The following HEMK2 variants were observed in gnomAD, a reference collection of about 807,000 sequenced individuals.
HEMK2 encodes the protein methyltransferase HEMK2.
chr21:28,855,098 G>T, the HEMK2 span, among the ~76,000 whole-genome samples: 1 of 152,092 alleles, frequency 6.6e-6, no homozygotes, highest in Non-Finnish European at 1.5e-5. Context: ...AGACCCAACT[G>T]TATGCTGTCT....
chr21:28,830,704 T>C, the HEMK2 span, among the ~76,000 whole-genome samples: 1 of 152,014 alleles, frequency 6.6e-6, no homozygotes, highest in Admixed American at 6.6e-5. Flanking sequence ...GGTGAAACAC[T>C]GTCTCTACTA....
the HEMK2 span, among the ~76,000 whole-genome samples, chr21:28,822,828 C>G: frequency 6.6e-6 from 1 of 152,010 alleles, no homozygotes; most frequent in Non-Finnish European, 1.5e-5. Flanking sequence ...TGAAATGTAG[C>G]ATTCCACCTG....
chr21:28,852,278 T>C, the HEMK2 span, among the ~76,000 whole-genome samples: 11 of 152,194 alleles, frequency 7.2e-5, no homozygotes, highest in African/African-American at 2.7e-4. Flanking sequence ...AGCCAATGTG[T>C]GGGTTCTGCC....
chr21:28,824,173 A>G, the HEMK2 span, among the ~76,000 whole-genome samples: 1 of 152,214 alleles, frequency 6.6e-6, no homozygotes. Flanking sequence ...CCTCTGGGGT[A>G]AGGGGGAGCC....
the HEMK2 span, among the ~76,000 whole-genome samples, chr21:28,667,635 C>A: frequency 6.6e-6 from 1 of 151,968 alleles, no homozygotes; most frequent in Non-Finnish European, 1.5e-5. Flanking sequence ...AAAATATACA[C>A]CTACTATGCA....
the HEMK2 span, among the ~76,000 whole-genome samples, chr21:28,797,958 CCAAA>C: frequency 0.012 from 1,887 of 152,264 alleles, 69 homozygotes; most frequent in Admixed American, 0.066. Context: ...ACTGATCCCA[CCAAA>C]CATTCTTCCC....
chr21:28,619,775 G>C, the HEMK2 span, among the ~76,000 whole-genome samples: 2 of 152,082 alleles, frequency 1.3e-5, no homozygotes, highest in Non-Finnish European at 2.9e-5. Context: ...GAAGTGATAT[G>C]GTTTCAATTT....
At chr21:28,699,841 C>G in the HEMK2 span, among the ~76,000 whole-genome samples, 3 of 152,196 alleles carry the variant, frequency 2.0e-5, no homozygotes, top group Non-Finnish European at 4.4e-5. Context: ...GAAATGGGAA[C>G]TGCAAACGCT....
chr21:28,729,809 G>A, the HEMK2 span, among the ~76,000 whole-genome samples: 16 of 152,280 alleles, frequency 1.1e-4, no homozygotes, highest in East Asian at 3.9e-4. Context: ...GAGTTTTCAC[G>A]TTGAGGTTTT....
At chr21:28,642,057 G>A in the HEMK2 span, among the ~76,000 whole-genome samples, 4 of 152,186 alleles carry the variant, frequency 2.6e-5, no homozygotes, top group South Asian at 2.1e-4. Context: ...AAGCCATCAC[G>A]TTGGGGCTCA....
the HEMK2 span, among the ~76,000 whole-genome samples, chr21:28,632,373 T>C: frequency 1.3e-5 from 2 of 152,230 alleles, no homozygotes; most frequent in Admixed American, 6.5e-5. Context: ...ATGAGATCTC[T>C]ACTATGTCAC....
chr21:28,813,957 G>A, the HEMK2 span, among the ~76,000 whole-genome samples: 1 of 152,038 alleles, frequency 6.6e-6, no homozygotes, highest in African/African-American at 2.4e-5. Context: ...AACATGGGCT[G>A]GGTGTGGTGG....
chr21:28,862,822 A>G, the HEMK2 span, among the ~76,000 whole-genome samples: 1 of 152,210 alleles, frequency 6.6e-6, no homozygotes, highest in Non-Finnish European at 1.5e-5. Context: ...TTATCATGTG[A>G]CATAAGATTT....
At chr21:28,800,205 T>C in the HEMK2 span, among the ~76,000 whole-genome samples, 1 of 152,168 alleles carries the variant, frequency 6.6e-6, no homozygotes, top group African/African-American at 2.4e-5. Context: ...CCCCTTTGTT[T>C]TAAAGCAGTG....
At chr21:28,740,237 T>C in the HEMK2 span, among the ~76,000 whole-genome samples, 1 of 152,236 alleles carries the variant, frequency 6.6e-6, no homozygotes, top group African/African-American at 2.4e-5. Flanking sequence ...AGCTATTCCA[T>C]GAAGCAGGTT....
chr21:28,750,297 T>G, the HEMK2 span, among the ~76,000 whole-genome samples: 1 of 152,240 alleles, frequency 6.6e-6, no homozygotes, highest in African/African-American at 2.4e-5. Context: ...TAATCTATTC[T>G]AAGACCACAG....
the HEMK2 span, among the ~76,000 whole-genome samples, chr21:28,606,258 C>T: frequency 8.9e-3 from 1,353 of 151,952 alleles, 11 homozygotes; most frequent in Middle Eastern, 0.034. Context: ...AAAACAAAAA[C>T]GCCAGGGAGC....
the HEMK2 span, among the ~76,000 whole-genome samples, chr21:28,746,458 G>A: frequency 6.6e-6 from 1 of 152,168 alleles, no homozygotes; most frequent in Non-Finnish European, 1.5e-5. Context: ...AGATCAGTAG[G>A]ACAAGCAAGT....
At chr21:28,589,229 G>T in the HEMK2 span, among the ~76,000 whole-genome samples, 1 of 152,086 alleles carries the variant, frequency 6.6e-6, no homozygotes, top group East Asian at 1.9e-4. Flanking sequence ...GTATTATTCT[G>T]TATTGAGGTA....
Sources: allele counts gnomAD v4.1 joint callset (sites outside exome capture counted in the v4.1 genomes callset), GRCh38; gene constraint gnomAD v4.1.1; transcripts MANE v1.5; gene names NCBI Gene and HGNC (gene_info 2026-07-23, HGNC 2026-07-21).